Variants in MCTP2 observed in about 807,000 individuals in gnomAD.
MCTP2 encodes the protein multiple C2 and transmembrane domain containing 2.
MCTP2 carries 132 observed loss-of-function variants against 111.6 expected under a neutral mutation model. That is an observed-to-expected ratio of 1.18 (90% CI 1.03 to 1.37). The LOEUF (loss-of-function observed/expected upper bound fraction) is 1.37, where lower values mean the gene tolerates loss of function less well. MCTP2 is among the 40% of genes most tolerant of loss of function. The probability of loss-of-function intolerance (pLI) is 0.00; values close to 1 mark genes in which losing one functional copy is unlikely to be tolerated. For synonymous variants in MCTP2, 395 were observed against 387.7 expected (o/e 1.02, Z -0.22); for missense variants, 1,183 against 1,067.9 (o/e 1.11, Z -1.50).
At chr15:94,314,645 G>T in intron 3 of MCTP2, 1 of 532,610 alleles carries the variant, frequency 1.9e-6, no homozygotes, top group Non-Finnish European at 3.5e-6. Flanking sequence ...AGGCTGTCAA[G>T]GGTGGCTTAG....
intron 10 of MCTP2, among the ~76,000 whole-genome samples, chr15:94,360,300 C>T (rs2078859991): frequency 6.6e-6 from 1 of 152,180 alleles, no homozygotes; most frequent in African/African-American, 2.4e-5. Flanking sequence ...TCCTGTGGTC[C>T]AGTCTTCTAC....
intron 12 of MCTP2, among the ~76,000 whole-genome samples, chr15:94,370,838 G>A (rs1479872477): frequency 1.3e-5 from 2 of 152,092 alleles, no homozygotes; most frequent in Admixed American, 6.6e-5. Context: ...CAATTTAGCC[G>A]CCTACATGAC....
At chr15:94,474,162 G>A (rs2074156057) in intron 21 of MCTP2, among the ~76,000 whole-genome samples, 1 of 151,842 alleles carries the variant, frequency 6.6e-6, no homozygotes, top group Non-Finnish European at 1.5e-5. Flanking sequence ...GTACTATTTA[G>A]GTTAAAAAAA....
chr15:94,399,711 T>C, intron 15 of MCTP2: 2 of 540,794 alleles, frequency 3.7e-6, no homozygotes, highest in Admixed American at 3.2e-5. Context: ...AGTACCCTTC[T>C]AGACTCAATC....
intron 4 of MCTP2, among the ~76,000 whole-genome samples, chr15:94,322,207 T>TC (rs2076661731): frequency 1.3e-5 from 2 of 152,168 alleles, no homozygotes; most frequent in Admixed American, 6.5e-5. Flanking sequence ...TGACAGAGGC[T>TC]CCTTCAGAGT....
intron 17 of MCTP2, among the ~76,000 whole-genome samples, chr15:94,404,637 A>T (rs1040638744): frequency 6.6e-6 from 1 of 150,702 alleles, no homozygotes; most frequent in Non-Finnish European, 1.5e-5. Flanking sequence ...TGGTAAGATT[A>T]TGGGTAGCCA....
chr15:94,298,636 A>AT lies in MCTP2; in HGVS notation c.372dup (p.Ala125CysfsTer5). ...GTGGAAACAGACTCAGAGGAGGCCT[A>AT]TGCCTCTCCTGCTGAGCGGAGACGG... On this transcript the variant is annotated frameshift_variant, in exon 2 of 23. Transcript: ENST00000357742. LOFTEE classifies it high-confidence loss of function. 1 of 1,614,106 alleles carries AT rather than the reference A, an allele frequency of 6.2e-7. No homozygotes were observed. The highest frequency in any genetic ancestry group is 8.5e-7 in the Non-Finnish European group (1 of 1,180,004).
In MCTP2 at chr15:94,315,478, C is replaced by G. The variant is rs373612545; in HGVS notation, c.529-51C>G. 93 of 1,350,784 alleles carry G rather than the reference C, an allele frequency of 6.9e-5. 3 individuals carry two copies. In the Middle Eastern group the frequency reaches 9.2e-4, roughly 13 times the overall value. 83.7% of individuals were successfully genotyped at this position (1,350,784 alleles called of 1,614,324 possible). ...AATCGAGAAGTATTTCTGAAATTCT[C>G]TTGCTTGGGCCCAAGACATACTGTC... On this transcript the variant is annotated intron_variant, in intron 3 of 22. Coordinates refer to ENST00000357742, the MANE Select transcript of MCTP2 (RefSeq NM_001385001.1).
At position 94,478,986 on chromosome 15, in the gene MCTP2, A is replaced by T; in HGVS notation, c.2589A>T (p.Lys863Asn). 7 of 1,613,662 alleles carry T rather than the reference A, an allele frequency of 4.3e-6. No homozygotes were observed. The highest frequency in any genetic ancestry group is 5.9e-6 in the Non-Finnish European group (7 of 1,179,898). The change falls in exon 23 of 23, where the codon AAA becomes AAT. Residue 863 changes from lysine (K) to asparagine (N), a missense_variant. Physicochemically the swap from Lys to Asn is moderately conservative, Grantham distance 94. Transcript: ENST00000357742. ...DVQKVQYAEL[K>N]LCSSHSPLRK... ...CACAGGTGCAGTATGCAGAATTGAA[A>T]CTCTGCAGCAGCCACAGCCCCCTGC...
chr15:94,478,143 C>T (rs1255712191), intron 22 of MCTP2, among the ~76,000 whole-genome samples: 3 of 152,322 alleles, frequency 2.0e-5, no homozygotes, highest in Middle Eastern at 3.4e-3. Flanking sequence ...CACACCAAAG[C>T]AATATATTTG....
At chr15:94,410,950 A>G (rs543279516) in intron 17 of MCTP2, among the ~76,000 whole-genome samples, 33 of 152,336 alleles carry the variant, frequency 2.2e-4, no homozygotes, top group African/African-American at 7.7e-4. Context: ...GATCCTGCCC[A>G]TCCAGGAATT....
intron 17 of MCTP2, 96 bp from the exon 18 acceptor site, chr15:94,440,080 G>A (rs2083690065): frequency 7.3e-7 from 1 of 1,372,284 alleles, no homozygotes; most frequent in Non-Finnish European, 1.0e-6. Context: ...ACTAGAAAGA[G>A]TCCAATTGAA....
intron 2 of MCTP2, among the ~76,000 whole-genome samples, chr15:94,306,594 C>T (rs1396744018): frequency 6.6e-6 from 1 of 152,132 alleles, no homozygotes. Flanking sequence ...CCACTGTGTC[C>T]TTTTAAACAC....
intron 17 of MCTP2, among the ~76,000 whole-genome samples, chr15:94,428,193 C>G (rs1187449196): frequency 6.6e-6 from 1 of 152,164 alleles, no homozygotes; most frequent in Admixed American, 6.5e-5. Context: ...TGAGGGTCTT[C>G]TGGTGAGAAG....
At chr15:94,439,391 G>A (rs1213448921) in intron 17 of MCTP2, among the ~76,000 whole-genome samples, 5 of 150,828 alleles carry the variant, frequency 3.3e-5, no homozygotes, top group East Asian at 2.0e-4. Context: ...CTAGACTACC[G>A]GTGAGTTTGA....
At chr15:94,423,562 C>T (rs1034374609) in intron 17 of MCTP2, among the ~76,000 whole-genome samples, 1 of 152,128 alleles carries the variant, frequency 6.6e-6, no homozygotes, top group Non-Finnish European at 1.5e-5. Context: ...AGAAATGTTC[C>T]TTTGACTACT....
At chr15:94,295,260 A>G (rs2075219554) in intron 1 of MCTP2, among the ~76,000 whole-genome samples, 1 of 151,944 alleles carries the variant, frequency 6.6e-6, no homozygotes, top group South Asian at 2.1e-4. Flanking sequence ...GGGACTGGGT[A>G]TTTTTAAAGA....
intron 1 of MCTP2, among the ~76,000 whole-genome samples, chr15:94,294,706 G>A (rs1203041754): frequency 6.6e-6 from 1 of 152,042 alleles, no homozygotes; most frequent in South Asian, 2.1e-4. Flanking sequence ...TTTCATAAGA[G>A]GCTGATTCCC....
chr15:94,251,031 C>A (rs562912058), intron 1 of MCTP2, among the ~76,000 whole-genome samples: 6 of 152,340 alleles, frequency 3.9e-5, no homozygotes, highest in Non-Finnish European at 7.4e-5. Context: ...TGGTTGACTT[C>A]ATGACTTCTG....
Sources: gnomAD v4.1 joint callset for allele counts (sites outside exome capture counted in the v4.1 genomes callset) on GRCh38, gnomAD v4.1.1 for gene constraint, MANE v1.5 for transcripts, NCBI Gene and HGNC (gene_info 2026-07-23, HGNC 2026-07-21) for gene names.